The following PDE4D variants were observed in gnomAD, a reference collection of about 807,000 sequenced individuals.
PDE4D encodes 3',5'-cyclic-AMP phosphodiesterase 4D.
In PDE4D, 24 loss-of-function variants were observed where a neutral mutation model predicts 87.4. The observed-to-expected ratio is 0.27, with a 90% CI of 0.20 to 0.39. The LOEUF is 0.39. PDE4D is among the 10% of genes least tolerant of loss of function. The pLI is 1.00. For synonymous variants in PDE4D, 384 were observed against 383.2 expected, an observed-to-expected ratio of 1.00 and a Z score of -0.02; for missense variants, 714 against 1,041.0, an observed-to-expected ratio of 0.69 and a Z score of 4.32.
Position 59,517,985 on chromosome 5 carries a change from T to C in PDE4D, c.456-302017A>G, listed in dbSNP as rs147793293. Among the ~76,000 whole-genome samples, 288 of 152,288 alleles carry C rather than the reference T, an allele frequency of 1.9e-3. 3 individuals carry two copies. Among genetic ancestry groups the C allele is most frequent in the African/African-American group, 6.7e-3 (278 of 41,552 alleles). ...ATCTAAATTTATTAGTTAAATCAAT[T>C]AATTATTTGTTGTTGCTGACTTCCA... On this transcript the variant is annotated intron_variant, in intron 1 of 14. Coordinates refer to ENST00000340635, the MANE Select transcript of PDE4D (RefSeq NM_001104631.2).
At chr5:60,114,616 A>G (rs1358386560) in intron 2 of PDE4D, among the ~76,000 whole-genome samples, 1 of 152,060 alleles carries the variant, frequency 6.6e-6, no homozygotes, top group East Asian at 1.9e-4. Flanking sequence ...GAAAAACCAA[A>G]TGATTCATTC....
chr5:59,829,991 A>ATAAC (rs10630880), intron 1 of PDE4D, among the ~76,000 whole-genome samples: 14,308 of 151,994 alleles, frequency 0.094, 2,082 homozygotes, highest in African/African-American at 0.31. Flanking sequence ...AAGAAGACAT[A>ATAAC]TAACTGAAAT....
intron 3 of PDE4D, among the ~76,000 whole-genome samples, chr5:59,915,042 G>A (rs1267067531): frequency 6.6e-6 from 1 of 152,056 alleles, no homozygotes; most frequent in African/African-American, 2.4e-5. Flanking sequence ...TAAATCCAGA[G>A]TTTGTTTTAA....
intron 1 of PDE4D, among the ~76,000 whole-genome samples, chr5:59,315,339 T>C (rs374307017): frequency 3.1e-4 from 47 of 152,130 alleles, no homozygotes; most frequent in African/African-American, 1.1e-3. Flanking sequence ...ATGGGACCAT[T>C]CTGTTCTGAC....
At chr5:59,610,185 T>C (rs528548380) in intron 1 of PDE4D, among the ~76,000 whole-genome samples, 24 of 152,288 alleles carry the variant, frequency 1.6e-4, no homozygotes, top group Admixed American at 1.4e-3. Context: ...GGCAGATCCA[T>C]GCAGGGGCAA....
intron 1 of PDE4D, among the ~76,000 whole-genome samples, chr5:59,603,475 T>C (rs115977086): frequency 3.5e-3 from 535 of 152,152 alleles, no homozygotes; most frequent in African/African-American, 0.012. Flanking sequence ...GAATGGCTAT[T>C]ATCAGAAAGT....
intron 2 of PDE4D, among the ~76,000 whole-genome samples, chr5:60,024,775 T>C (rs2152855132): frequency 6.6e-6 from 1 of 152,310 alleles, no homozygotes; most frequent in South Asian, 2.1e-4. Context: ...TGAAAAATTG[T>C]TCCACGGAAA....
At chr5:59,675,742 TG>T (rs113284674) in intron 1 of PDE4D, among the ~76,000 whole-genome samples, 6,472 of 152,116 alleles carry the variant, frequency 0.043, 486 homozygotes, top group African/African-American at 0.15. Flanking sequence ...CAGGCTGGAG[TG>T]CAGTGGCGCA....
intron 2 of PDE4D, among the ~76,000 whole-genome samples, chr5:59,998,030 A>T (rs1297341903): frequency 6.6e-6 from 1 of 152,154 alleles, no homozygotes; most frequent in Non-Finnish European, 1.5e-5. Flanking sequence ...CTTGCTTCAG[A>T]CAAAAAAGAA....
chr5:60,497,447 G>A lies in PDE4D; in HGVS notation n.70+24604C>T, dbSNP rs527458376. Among the ~76,000 whole-genome samples, 166 of 151,854 alleles carry A rather than the reference G, an allele frequency of 1.1e-3. 1 individual carries two copies. The highest frequency in any genetic ancestry group is 3.8e-3 in the African/African-American group (158 of 41,408). ...AGGCAGGATCTTGCTCTGTTGTCCA[G>A]GCTGGAGTGCAGTGGTGTGAACACG... On this transcript the variant is annotated intron_variant and non_coding_transcript_variant, in intron 1 of 2. Coordinates refer to the PDE4D transcript ENST00000506510.
chr5:59,478,634 T>G (rs1234738588), intron 1 of PDE4D, among the ~76,000 whole-genome samples: 1 of 152,108 alleles, frequency 6.6e-6, no homozygotes, highest in Admixed American at 6.6e-5. Flanking sequence ...ATCAATTACA[T>G]ACCACAGACA....
intron 1 of PDE4D, among the ~76,000 whole-genome samples, chr5:60,379,922 C>T (rs551947040): frequency 6.6e-6 from 1 of 152,206 alleles, no homozygotes; most frequent in East Asian, 1.9e-4. Context: ...CATGTTTCAG[C>T]CATGACCACA....
intron 1 of PDE4D, among the ~76,000 whole-genome samples, chr5:59,812,512 A>T (rs1768471254): frequency 6.6e-6 from 1 of 152,096 alleles, no homozygotes; most frequent in Non-Finnish European, 1.5e-5. Context: ...GTCTCTACTA[A>T]AAATACAGAA....
chr5:60,468,092 C>T (rs1583859418), intron 1 of PDE4D, among the ~76,000 whole-genome samples: 1 of 151,480 alleles, frequency 6.6e-6, no homozygotes, highest in East Asian at 1.9e-4. Flanking sequence ...ACTGGACAGT[C>T]CCCTTTTTCA....
chr5:59,013,400 C>A (rs544534297), intron 6 of PDE4D, among the ~76,000 whole-genome samples: 9 of 152,154 alleles, frequency 5.9e-5, no homozygotes, highest in Non-Finnish European at 1.0e-4. Context: ...TGATAGACCA[C>A]TAGCAAGACT....
chr5:60,264,341 C>A (rs1295465140), intron 1 of PDE4D, among the ~76,000 whole-genome samples: 1 of 152,186 alleles, frequency 6.6e-6, no homozygotes, highest in Non-Finnish European at 1.5e-5. Flanking sequence ...AAAAAAATGC[C>A]TGTTGATTAA....
At chr5:60,041,260 T>A (rs971915045) in intron 2 of PDE4D, among the ~76,000 whole-genome samples, 9 of 152,186 alleles carry the variant, frequency 5.9e-5, no homozygotes, top group African/African-American at 2.2e-4. Flanking sequence ...ATTCTCTATG[T>A]ATGTTCTACA....
intron 2 of PDE4D, among the ~76,000 whole-genome samples, chr5:59,210,860 A>C (rs72765911): frequency 6.6e-6 from 1 of 151,140 alleles, no homozygotes. Flanking sequence ...CAGGTAACTT[A>C]TACTTAATAA....
chr5:59,097,746 A>G (rs1214658666), intron 5 of PDE4D, among the ~76,000 whole-genome samples: 2 of 152,176 alleles, frequency 1.3e-5, no homozygotes, highest in African/African-American at 4.8e-5. Flanking sequence ...AGCCAAATAC[A>G]CTGATAAATG....
Sources: allele counts gnomAD v4.1 joint callset (sites outside exome capture counted in the v4.1 genomes callset), GRCh38; gene constraint gnomAD v4.1.1; transcripts MANE v1.5; gene names NCBI Gene and HGNC (gene_info 2026-07-23, HGNC 2026-07-21).